Variants in TMEM140 observed in about 807,000 individuals in gnomAD.
The protein encoded by TMEM140 is transmembrane protein 140.
For synonymous variants in TMEM140, 107 were observed against 106.8 expected, an observed-to-expected ratio of 1.00 and a Z score of -0.01; for missense variants, 236 against 228.5, an observed-to-expected ratio of 1.03 and a Z score of -0.21.
chr7:135,156,611 A>T (rs1252207349), intron 1 of TMEM140, among the ~76,000 whole-genome samples: 1 of 151,938 alleles, frequency 6.6e-6, no homozygotes, highest in Non-Finnish European at 1.5e-5. Flanking sequence ...TATATCCTGG[A>T]TTAATTTTCT....
chr7:135,164,897 A>C lies in TMEM140; in HGVS notation c.456A>C (p.Leu152=). The change falls in exon 2 of 2, where the codon CTA becomes CTC. Residue 152 remains leucine (L), a synonymous_variant. Coordinates refer to ENST00000275767, the MANE Select transcript of TMEM140 (RefSeq NM_018295.5). ...TCTCCCTCCCGGGGCCTGGGTTTCT[A>C]GCTCTGGGCAGCGCCCAGGCCTTAC... The part of the protein sequence containing the change: ...VRLSLPGPGF[L]ALGSAQALLI... 2.5e-6 allele frequency: 4 copies of C among 1,614,176 alleles called. No individual in the cohort carries two copies. The highest frequency in any genetic ancestry group is 3.4e-6 in the Non-Finnish European group (4 of 1,180,032).
chr7:135,164,619 A>G lies in TMEM140; in HGVS notation c.178A>G (p.Ser60Gly). The change falls in exon 2 of 2, where the codon AGC becomes GGC. Residue 60 changes from serine (S) to glycine (G), a missense_variant. By Grantham distance (56) the Ser-to-Gly change is moderately conservative. Coordinates refer to ENST00000275767, the MANE Select transcript of TMEM140 (RefSeq NM_018295.5). The part of the protein sequence containing the change: ...YNFCLWNEDT[S>G]TLQCHQFPEL... Reference sequence around the variant, plus strand: ...CTTCTGCCTGTGGAATGAGGACACCAGCACCCTACAGTGTCACCAGTTCCC... The same window carrying G: ...CTTCTGCCTGTGGAATGAGGACACCGGCACCCTACAGTGTCACCAGTTCCC... 1.2e-6 allele frequency: 2 copies of G among 1,614,120 alleles called. No homozygotes were observed. The highest frequency in any genetic ancestry group is 1.7e-6 in the Non-Finnish European group (2 of 1,179,930).
At chr7:135,160,567 C>A (rs1829905363) in intron 1 of TMEM140, among the ~76,000 whole-genome samples, 1 of 152,130 alleles carries the variant, frequency 6.6e-6, no homozygotes, top group Non-Finnish European at 1.5e-5. Flanking sequence ...TGAATTCTGT[C>A]CATAGTTCAA....
At chr7:135,148,685 T>A (rs1005955520) in intron 1 of TMEM140, among the ~76,000 whole-genome samples, 14 of 152,150 alleles carry the variant, frequency 9.2e-5, no homozygotes, top group African/African-American at 3.4e-4. Flanking sequence ...AAACCACTAT[T>A]CAATGGTAGT....
chr7:135,164,999 A>C lies in TMEM140; in HGVS notation c.558A>C (p.Ter186TyrextTer4). 1 of 1,577,694 alleles carries C rather than the reference A, an allele frequency of 6.3e-7. No homozygotes were observed. The highest frequency in any genetic ancestry group is 8.6e-7 in the Non-Finnish European group (1 of 1,159,480). Reference sequence around the variant, plus strand: ...CTGAGAGCAAGCTTGAGAGCTGCTAAAGGCTTACGTGATTGCAAGGGTTCA... The same window carrying C: ...CTGAGAGCAAGCTTGAGAGCTGCTACAGGCTTACGTGATTGCAAGGGTTCA... ...ERAESKLESC[*>Y] Residue 186 changes from the stop codon to tyrosine, a stop_lost, in exon 2 of 2, where the codon TAA (stop) becomes TAC (tyrosine). Coordinates refer to ENST00000275767, the MANE Select transcript of TMEM140 (RefSeq NM_018295.5).
intron 1 of TMEM140, among the ~76,000 whole-genome samples, chr7:135,154,328 A>ATCCTTTG (rs1829735196): frequency 1.3e-5 from 2 of 152,046 alleles, no homozygotes; most frequent in African/African-American, 2.4e-5. Flanking sequence ...AGTTTCATTG[A>ATCCTTTG]TCCTTTGTAA....
In TMEM140 at chr7:135,164,643, CCT is replaced by C. The variant is rs1830038946; in HGVS notation, c.203_204del (p.Pro68ArgfsTer41). On this transcript the variant is annotated frameshift_variant, in exon 2 of 2. Coordinates refer to ENST00000275767, the MANE Select transcript of TMEM140 (RefSeq NM_018295.5). LOFTEE classifies it low-confidence loss of function (END_TRUNC). ...DTSTLQCHQFPELEALGVPRV... is the reference protein window; with the variant it reads ...DTSTLQCHQFXELEALGVPRV... Reference sequence around the variant, plus strand: ...CAGCACCCTACAGTGTCACCAGTTCCCTGAGCTGGAAGCCCTGGGGGTGCCTC... The same window carrying C: ...CAGCACCCTACAGTGTCACCAGTTCCGAGCTGGAAGCCCTGGGGGTGCCTC... The C allele has an allele frequency of 6.2e-7, 1 of 1,613,154 alleles. No individual in the cohort carries two copies. Among genetic ancestry groups the C allele is most frequent in the Admixed American group, 1.7e-5 (1 of 59,998 alleles).
At chr7:135,150,538 C>T (rs1051182795) in intron 1 of TMEM140, among the ~76,000 whole-genome samples, 1 of 152,150 alleles carries the variant, frequency 6.6e-6, no homozygotes, top group Non-Finnish European at 1.5e-5. Flanking sequence ...GAAATGCTGA[C>T]CCCACGAGTC....
Position 135,164,833 on chromosome 7 carries a change from T to C in TMEM140, c.392T>C (p.Leu131Pro). 6.2e-7 allele frequency: 1 copy of C among 1,613,954 alleles called. No homozygotes were observed. The highest frequency in any genetic ancestry group is 1.3e-5 in the African/African-American group (1 of 75,068). Reference sequence around the variant, plus strand: ...TCCTCTGTGCTGCTGGCAGGCGGCCTGGGCCTCTTCCTCTCCTATGTGTGG... The same window carrying C: ...TCCTCTGTGCTGCTGGCAGGCGGCCCGGGCCTCTTCCTCTCCTATGTGTGG... Reference protein sequence around the residue: ...AVSSVLLAGGLGLFLSYVWKW... With the variant: ...AVSSVLLAGGPGLFLSYVWKW... Residue 131 changes from leucine (L) to proline (P), a missense_variant, in exon 2 of 2, where the codon CTG becomes CCG. Coordinates refer to ENST00000275767, the MANE Select transcript of TMEM140 (RefSeq NM_018295.5).
At position 135,156,979 on chromosome 7, in the gene TMEM140, C is replaced by A. The variant is rs1829811217; in HGVS notation, c.-24-7439C>A. ...TTTGCTTCCTCCTCATTTTCTCTTG[C>A]CACCACCATATAAGAAGTGTGTTTC... is the stretch of plus-strand genomic sequence containing the variant. On this transcript the variant is annotated intron_variant, in intron 1 of 1. Transcript: ENST00000275767. Among the ~76,000 whole-genome samples, 3 of 152,314 alleles carry A rather than the reference C, an allele frequency of 2.0e-5. No individual in the cohort carries two copies. The South Asian group carries it at 6.2e-4, about 32-fold the overall frequency.
At chr7:135,149,711 G>A (rs1212496269) in intron 1 of TMEM140, among the ~76,000 whole-genome samples, 1 of 152,164 alleles carries the variant, frequency 6.6e-6, no homozygotes, top group Non-Finnish European at 1.5e-5. Flanking sequence ...AGTGTTGATA[G>A]GGAAACTCTG....
rs535812802 is a variant in TMEM140, at chr7:135,151,242, C to T, written c.-25+2972C>T. On this transcript the variant is annotated intron_variant, in intron 1 of 1. Coordinates refer to ENST00000275767, the MANE Select transcript of TMEM140 (RefSeq NM_018295.5). The surrounding 1 kb of genome is among the most constrained non-coding windows in gnomAD (Gnocchi z 4.3). ...ACTGGTGAAATCCAGGAGCTGCCACCACCTACACACTGTTGAAAAACACTG... is the reference window on the plus strand; with the variant it reads ...ACTGGTGAAATCCAGGAGCTGCCACTACCTACACACTGTTGAAAAACACTG... 3.7e-4 allele frequency among the ~76,000 whole-genome samples: 57 copies of T among 152,160 alleles called. No individual in the cohort carries two copies. The highest frequency in any genetic ancestry group is 7.8e-4 in the Non-Finnish European group (53 of 68,026).
At chr7:135,159,498 G>A (rs139084775) in intron 1 of TMEM140, among the ~76,000 whole-genome samples, 337 of 152,186 alleles carry the variant, frequency 2.2e-3, no homozygotes, top group Non-Finnish European at 2.9e-3. Flanking sequence ...AATTTGTATC[G>A]CCTTTAAGCA....
At chr7:135,155,674 G>A (rs1035621563) in intron 1 of TMEM140, among the ~76,000 whole-genome samples, 10 of 152,246 alleles carry the variant, frequency 6.6e-5, no homozygotes, top group Admixed American at 6.5e-4. Flanking sequence ...AAAATAGCAA[G>A]ATCTTGTCTC....
At chr7:135,153,890 T>C (rs1485635480) in intron 1 of TMEM140, among the ~76,000 whole-genome samples, 2 of 152,214 alleles carry the variant, frequency 1.3e-5, no homozygotes, top group Admixed American at 6.5e-5. Context: ...CTCCTTGATT[T>C]TTTAATAGTT....
At chr7:135,150,559 G>A (rs1204764573) in intron 1 of TMEM140, among the ~76,000 whole-genome samples, 1 of 152,134 alleles carries the variant, frequency 6.6e-6, no homozygotes, top group African/African-American at 2.4e-5. Flanking sequence ...GAAGTGGGTG[G>A]CAAATTGCCT....
intron 1 of TMEM140, among the ~76,000 whole-genome samples, chr7:135,154,507 T>G (rs1197509982): frequency 1.3e-5 from 2 of 152,244 alleles, no homozygotes; most frequent in Non-Finnish European, 2.9e-5. Flanking sequence ...TAAACTTCCC[T>G]CTTAGCACTT....
Position 135,165,751 on chromosome 7 carries a change from C to G in TMEM140, c.*752C>G, listed in dbSNP as rs1239083562. On this transcript the variant is annotated 3_prime_UTR_variant, in exon 2 of 2. Coordinates refer to ENST00000275767, the MANE Select transcript of TMEM140 (RefSeq NM_018295.5). ...AACGCTGCCACCCTCCACTTCCCAA[C>G]CCAGAACTTGGAAAGACATTAGCAC... 1 of 167,120 alleles carries G rather than the reference C, an allele frequency of 6.0e-6. No individual in the cohort carries two copies. The highest frequency in any genetic ancestry group is 1.5e-5 in the Non-Finnish European group (1 of 68,146). The allele number at this position is 167,120 out of a possible 1,614,324, so 10.4% of individuals were successfully genotyped here. A position where few individuals can be genotyped will look rare whatever the true frequency, so the allele number is the denominator to read the frequency against.
At chr7:135,162,186 C>T (rs1336728042) in intron 1 of TMEM140, among the ~76,000 whole-genome samples, 1 of 152,190 alleles carries the variant, frequency 6.6e-6, no homozygotes, top group Non-Finnish European at 1.5e-5. Context: ...TTCCAGTCAG[C>T]TCTGGGAAAG....
Sources: allele counts gnomAD v4.1 joint callset (sites outside exome capture counted in the v4.1 genomes callset), GRCh38; gene constraint gnomAD v4.1.1; non-coding constraint Gnocchi (gnomAD v3.1); transcripts MANE v1.5; gene names NCBI Gene and HGNC (gene_info 2026-07-23, HGNC 2026-07-21).